VPS13C: variants seen among roughly 807,000 people sequenced by gnomAD.
VPS13C encodes the protein intermembrane lipid transfer protein VPS13C.
A neutral mutation model predicts 456.8 loss-of-function variants in VPS13C; 358 were observed. The observed-to-expected ratio is 0.78, with a 90% CI of 0.72 to 0.86. The LOEUF is 0.86. Among genes scored for constraint, VPS13C ranks in the 40% least tolerant of loss-of-function variants. The pLI, the probability that VPS13C is intolerant of heterozygous loss-of-function variation, is 0.00. For missense variants in VPS13C, 4,818 were observed against 4,385.4 expected, an observed-to-expected ratio of 1.10 and a Z score of -2.79; for synonymous variants, 1,578 against 1,486.7, an observed-to-expected ratio of 1.06 and a Z score of -1.41.
At chr15:62,011,392 A>T (rs1012884193) in intron 12 of VPS13C, among the ~76,000 whole-genome samples, 1 of 152,088 alleles carries the variant, frequency 6.6e-6, no homozygotes, top group Non-Finnish European at 1.5e-5. Context: ...GCAGCACTTG[A>T]AAGTTTTATC....
intron 1 of VPS13C, among the ~76,000 whole-genome samples, chr15:62,050,448 T>G (rs912885501): frequency 8.5e-5 from 13 of 152,362 alleles, no homozygotes; most frequent in South Asian, 4.1e-4. Flanking sequence ...GTGCATACAC[T>G]GCTAGAAAGT....
At position 61,963,850 on chromosome 15, in the gene VPS13C, C is replaced by T. The variant is rs750529131; in HGVS notation, c.3316G>A (p.Glu1106Lys). The change falls in exon 32 of 85, where the codon GAA becomes AAA. Residue 1106 changes from glutamate (E) to lysine (K), a missense_variant. Around this residue, in one of 3 missense-constraint regions of VPS13C, gnomAD observed 4,552 missense variants for 4,130.6 expected, o/e 1.10. Transcript: ENST00000644861. Reference sequence around the variant, plus strand: ...GAACTTTTACCTTGAATCTTGATTTCGGCGATATTGTTCTTTTCGTTGCAA... The same window carrying T: ...GAACTTTTACCTTGAATCTTGATTTTGGCGATATTGTTCTTTTCGTTGCAA... ...IVCNEKNNIA[E>K]IKIQGLDSSL... 3.1e-6 allele frequency: 5 copies of T among 1,607,602 alleles called. No individual in the cohort carries two copies. Among genetic ancestry groups the T allele is most frequent in the African/African-American group, 1.3e-5 (1 of 74,538 alleles).
intron 66 of VPS13C, chr15:61,906,796 A>C (rs1281197669): frequency 5.9e-6 from 1 of 170,838 alleles, no homozygotes; most frequent in Non-Finnish European, 1.3e-5. Context: ...TAATCAACTC[A>C]GCTACCTAAA....
intron 78 of VPS13C, among the ~76,000 whole-genome samples, chr15:61,872,925 T>C (rs906852233): frequency 5.3e-5 from 8 of 152,068 alleles, no homozygotes; most frequent in Non-Finnish European, 4.4e-5. Flanking sequence ...ACAGAAACAG[T>C]CAATTGCTGA....
chr15:62,002,824 A>T (rs374807346), intron 15 of VPS13C, among the ~76,000 whole-genome samples: 2 of 152,150 alleles, frequency 1.3e-5, no homozygotes, highest in South Asian at 4.1e-4. Flanking sequence ...AAGATCAGAT[A>T]GTTGTAGATA....
At chr15:61,981,561 T>C in intron 21 of VPS13C, 83 bp from the exon 22 acceptor site, 1 of 1,403,292 alleles carries the variant, frequency 7.1e-7, no homozygotes, top group Non-Finnish European at 9.4e-7. Context: ...ATAAGAGTTT[T>C]ACTTGAAAAG....
intron 4 of VPS13C, 124 bp downstream of exon 4, chr15:62,034,833 T>C (rs1293380995): frequency 5.1e-6 from 3 of 584,404 alleles, no homozygotes; most frequent in African/African-American, 3.8e-5. Context: ...AGTGCATCTA[T>C]GTATGATTCA....
intron 42 of VPS13C, among the ~76,000 whole-genome samples, 197 bp downstream of exon 42, chr15:61,949,246 A>C (rs548779247): frequency 2.6e-5 from 4 of 152,188 alleles, no homozygotes; most frequent in Non-Finnish European, 4.4e-5. Context: ...AATATATAAT[A>C]TTAAACAACA....
chr15:61,887,411 T>G (rs1358854700), intron 67 of VPS13C, among the ~76,000 whole-genome samples: 3 of 152,232 alleles, frequency 2.0e-5, no homozygotes, highest in East Asian at 3.8e-4. Context: ...GACATCCATA[T>G]GCAATAAAGC....
rs374953764 is a variant in VPS13C at position 62,002,892 on chromosome 15, T to C, written c.1291-2266A>G. ...CCATTGATCTATATCTCTATTTTGGTACCAGTACCATGCTGTTTTGGTTAC... is the reference window on the plus strand; with the variant it reads ...CCATTGATCTATATCTCTATTTTGGCACCAGTACCATGCTGTTTTGGTTAC... On this transcript the variant is annotated intron_variant, in intron 15 of 84. Transcript: ENST00000644861. 8.5e-5 allele frequency among the ~76,000 whole-genome samples: 13 copies of C among 152,354 alleles called. No homozygotes were observed. In the East Asian group the frequency reaches 1.4e-3, roughly 16 times the overall value.
chr15:61,965,670 C>T (rs1192503783), intron 30 of VPS13C, among the ~76,000 whole-genome samples: 1 of 151,846 alleles, frequency 6.6e-6, no homozygotes, highest in Admixed American at 6.6e-5. Flanking sequence ...GTACATTTTG[C>T]CCCTCTTACT....
intron 6 of VPS13C, among the ~76,000 whole-genome samples, chr15:62,024,756 CCTGTT>C (rs1007585313): frequency 2.6e-5 from 4 of 152,198 alleles, no homozygotes; most frequent in African/African-American, 9.6e-5. Flanking sequence ...ACATCCCTGT[CCTGTT>C]CTATCTCCTA....
intron 1 of VPS13C, among the ~76,000 whole-genome samples, chr15:62,055,754 C>T (rs1279131315): frequency 2.0e-5 from 3 of 152,128 alleles, no homozygotes; most frequent in Non-Finnish European, 2.9e-5. Flanking sequence ...TTACAGATTT[C>T]GTTAAGAGTA....
chr15:62,047,159 C>T (rs1003154196), intron 1 of VPS13C, among the ~76,000 whole-genome samples: 1 of 151,878 alleles, frequency 6.6e-6, no homozygotes, highest in African/African-American at 2.4e-5. Flanking sequence ...TGTGCAGTGG[C>T]TCACACCTGT....
At chr15:61,960,131 G>A (rs1270898652) in intron 35 of VPS13C, among the ~76,000 whole-genome samples, 1 of 152,106 alleles carries the variant, frequency 6.6e-6, no homozygotes. Flanking sequence ...CACCTGGTAT[G>A]AGCACTGAAG....
rs144406837 is a variant in VPS13C at position 61,915,845 on chromosome 15, A to G, written c.8233T>C (p.Ser2745Pro). 2 of 1,613,862 alleles carry G rather than the reference A, an allele frequency of 1.2e-6. No individual in the cohort carries two copies. Among genetic ancestry groups the G allele is most frequent in the Admixed American group, 1.7e-5 (1 of 59,970 alleles). Reference sequence around the variant, plus strand: ...AGGTCGACTGTCGTCACTTCTGTGGAGTCAGAAGAAAAACACACAGGAAAG... The same window carrying G: ...AGGTCGACTGTCGTCACTTCTGTGGGGTCAGAAGAAAAACACACAGGAAAG... ...EFFPVCFSSD[S>P]TEVTTVDLSV... The change falls in exon 61 of 85, where the codon TCC becomes CCC. Residue 2745 changes from serine to proline, a missense_variant. By Grantham distance (74) the Ser-to-Pro change is moderately conservative. This residue lies in a region of VPS13C where 4,552 missense variants were observed against 4,130.6 expected (regional missense o/e 1.10). Coordinates refer to ENST00000644861, the MANE Select transcript of VPS13C (RefSeq NM_020821.3).
chr15:61,912,767 T>C (rs1020728554), intron 62 of VPS13C, among the ~76,000 whole-genome samples: 3 of 150,314 alleles, frequency 2.0e-5, no homozygotes, highest in Admixed American at 1.3e-4. Context: ...GCATTAGGTA[T>C]ATCTCCTAAT....
intron 66 of VPS13C, among the ~76,000 whole-genome samples, chr15:61,890,901 G>C (rs2042630577): frequency 6.6e-6 from 1 of 152,094 alleles, no homozygotes. Flanking sequence ...ACAAAAATTA[G>C]CCAGGCATGG....
chr15:61,887,494 G>C (rs1896355917), intron 67 of VPS13C, among the ~76,000 whole-genome samples: 1 of 152,082 alleles, frequency 6.6e-6, no homozygotes, highest in East Asian at 1.9e-4. Flanking sequence ...TTTGAGATCA[G>C]CCTAGACAAC....
Sources: gnomAD v4.1 joint callset for allele counts (sites outside exome capture counted in the v4.1 genomes callset) on GRCh38, gnomAD v4.1.1 for gene constraint, gnomAD v4.1.1 regional missense constraint, MANE v1.5 for transcripts, NCBI Gene and HGNC (gene_info 2026-07-23, HGNC 2026-07-21) for gene names.